The following HDAC9 variants were observed in gnomAD, a reference collection of about 807,000 sequenced individuals.
HDAC9 encodes histone deacetylase 9, also known as MEF-2 interacting transcription repressor (MITR) protein.
In HDAC9, 41 loss-of-function variants were observed where a neutral mutation model predicts 139.4. That is an observed-to-expected ratio of 0.29 (90% CI 0.23 to 0.38). The LOEUF (loss-of-function observed/expected upper bound fraction) is 0.38. Among genes scored for constraint, HDAC9 ranks in the 10% least tolerant of loss-of-function variants. The pLI is 1.00. For synonymous variants in HDAC9, 517 were observed against 476.2 expected (o/e 1.09, Z -1.12); for missense variants, 1,147 against 1,297.0 (o/e 0.88, Z 1.78).
rs184409526 is a variant in HDAC9 at position 18,192,508 on chromosome 7, T to C, written c.25+30159T>C. Among the ~76,000 whole-genome samples the C allele has an allele frequency of 3.3e-3, 508 of 152,258 alleles. 3 individuals are homozygous for C. Among genetic ancestry groups the C allele is most frequent in the African/African-American group, 0.012 (488 of 41,552 alleles). The stretch of plus-strand genomic sequence containing the variant: ...GGCAAAGCAGTGGAGTGGAAAGGAA[T>C]CATGGGTATTTACTGTGAGGAGAAG... On this transcript the variant is annotated intron_variant, in intron 2 of 12. Transcript: ENST00000417496.
intron 22 of HDAC9, chr7:18,892,198 G>A (rs529868898): frequency 8.5e-5 from 13 of 152,148 alleles, no homozygotes; most frequent in Middle Eastern, 3.2e-3. Context: ...GTCTTCAGTC[G>A]TCATCTGGAA....
At chr7:18,337,677 A>G (rs1450132640) in intron 1 of HDAC9, among the ~76,000 whole-genome samples, 2 of 151,706 alleles carry the variant, frequency 1.3e-5, no homozygotes, top group Non-Finnish European at 3.0e-5. Context: ...ATTGAGTAGA[A>G]ATATTTAGTC....
intron 11 of HDAC9, among the ~76,000 whole-genome samples, chr7:18,658,904 A>AAC (rs1004966311): frequency 2.0e-5 from 3 of 151,390 alleles, no homozygotes; most frequent in Non-Finnish European, 4.4e-5. Flanking sequence ...AAAAGCAAAA[A>AAC]AAAAAAAAAC....
intron 2 of HDAC9, among the ~76,000 whole-genome samples, chr7:18,555,869 A>G (rs577706474): frequency 6.6e-6 from 1 of 152,242 alleles, no homozygotes; most frequent in East Asian, 1.9e-4. Context: ...AAATTTTTAT[A>G]ACATGGCAAA....
At position 18,795,819 on chromosome 7, in the gene HDAC9, A is replaced by G. The variant is rs1792750885; in HGVS notation, c.2322+2367A>G. On this transcript the variant is annotated intron_variant, in intron 17 of 25. Coordinates refer to ENST00000686413, the MANE Select transcript of HDAC9 (RefSeq NM_178425.4). ...TATTCAACAACCACAAAAACTACCCAGTGCCTACGTGTCCCAGACTCAAAT... is the reference window on the plus strand; with the variant it reads ...TATTCAACAACCACAAAAACTACCCGGTGCCTACGTGTCCCAGACTCAAAT... Among the ~76,000 whole-genome samples the G allele has an allele frequency of 2.0e-5, 3 of 152,200 alleles. No individual in the cohort carries two copies. In the South Asian group the frequency reaches 6.2e-4, roughly 32 times the overall value.
At chr7:18,316,083 C>T (rs990041103) in intron 1 of HDAC9, among the ~76,000 whole-genome samples, 2 of 152,162 alleles carry the variant, frequency 1.3e-5, no homozygotes, top group African/African-American at 4.8e-5. Flanking sequence ...ACCAGTTTTT[C>T]TCAAAATGTT....
intron 13 of HDAC9, among the ~76,000 whole-genome samples, chr7:18,740,151 C>G (rs1473217586): frequency 1.3e-5 from 2 of 152,188 alleles, no homozygotes; most frequent in Non-Finnish European, 2.9e-5. Flanking sequence ...GCAGAAGTGT[C>G]CCGTTTTTCA....
At chr7:18,507,931 T>C (rs1428548561) in intron 2 of HDAC9, among the ~76,000 whole-genome samples, 1 of 152,190 alleles carries the variant, frequency 6.6e-6, no homozygotes, top group Non-Finnish European at 1.5e-5. Context: ...CAACATAACA[T>C]GTTGCATCCT....
intron 20 of HDAC9, 47 bp downstream of exon 20, chr7:18,835,633 G>T (rs1164530241): frequency 3.1e-6 from 5 of 1,610,472 alleles, no homozygotes; most frequent in Non-Finnish European, 4.2e-6. Flanking sequence ...TATCTTTCAG[G>T]TAATTGCATT....
At chr7:18,640,179 C>G (rs565472208) in intron 8 of HDAC9, among the ~76,000 whole-genome samples, 32 of 150,666 alleles carry the variant, frequency 2.1e-4, no homozygotes, top group Non-Finnish European at 4.6e-4. Context: ...GGGAGGATAA[C>G]TTGAGGCCTG....
At chr7:18,379,184 T>A (rs151069760) in intron 1 of HDAC9, among the ~76,000 whole-genome samples, 1 of 152,322 alleles carries the variant, frequency 6.6e-6, no homozygotes, top group East Asian at 1.9e-4. Flanking sequence ...CTTAAGAGAA[T>A]GAATACAAAC....
At chr7:18,914,404 A>G (rs186499783) in intron 22 of HDAC9, among the ~76,000 whole-genome samples, 2 of 152,032 alleles carry the variant, frequency 1.3e-5, no homozygotes, top group Non-Finnish European at 2.9e-5. Flanking sequence ...CAAGACATGC[A>G]ACAGCAATCC....
intron 2 of HDAC9, among the ~76,000 whole-genome samples, chr7:18,204,804 A>G (rs948467514): frequency 6.6e-6 from 1 of 151,824 alleles, no homozygotes; most frequent in Non-Finnish European, 1.5e-5. Context: ...ATTTTATCTT[A>G]TGTTTGATAA....
chr7:18,128,151 C>G (rs1302388041), intron 1 of HDAC9, among the ~76,000 whole-genome samples: 1 of 152,058 alleles, frequency 6.6e-6, no homozygotes, highest in African/African-American at 2.4e-5. Context: ...ACCTTATGTT[C>G]TCTGCCCAAA....
At chr7:18,744,842 A>G (rs1323572475) in intron 13 of HDAC9, among the ~76,000 whole-genome samples, 1 of 152,080 alleles carries the variant, frequency 6.6e-6, no homozygotes. Flanking sequence ...AATTTTAAGG[A>G]TTTCTTGTAT....
intron 1 of HDAC9, among the ~76,000 whole-genome samples, chr7:18,417,858 C>T (rs1037702060): frequency 6.6e-6 from 1 of 152,120 alleles, no homozygotes; most frequent in Non-Finnish European, 1.5e-5. Context: ...TAATAGAGAT[C>T]TTTTATAGAT....
intron 6 of HDAC9, among the ~76,000 whole-genome samples, chr7:18,619,279 G>A (rs770347190): frequency 1.3e-5 from 2 of 152,152 alleles, no homozygotes; most frequent in East Asian, 3.9e-4. Context: ...AATTAGGGTA[G>A]TTGAGGTTCA....
chr7:18,821,517 A>G (rs2520361), intron 17 of HDAC9, among the ~76,000 whole-genome samples: 44,993 of 152,090 alleles, frequency 0.3, 8,345 homozygotes, highest in African/African-American at 0.53. Flanking sequence ...AAGCAAGATG[A>G]ATGGTGATAC....
At chr7:18,140,177 A>T (rs940550885) in intron 1 of HDAC9, among the ~76,000 whole-genome samples, 8 of 152,270 alleles carry the variant, frequency 5.3e-5, no homozygotes, top group Admixed American at 4.6e-4. Flanking sequence ...CCAAAATGAA[A>T]TCTGCAAACA....
Sources: allele counts gnomAD v4.1 joint callset (sites outside exome capture counted in the v4.1 genomes callset), GRCh38; gene constraint gnomAD v4.1.1; transcripts MANE v1.5; gene names NCBI Gene and HGNC (gene_info 2026-07-23, HGNC 2026-07-21).